The following SYBU variants were observed in gnomAD, a reference collection of about 807,000 sequenced individuals.
SYBU encodes the protein GOLSYN A protein.
A neutral mutation model predicts 35.9 loss-of-function variants in SYBU; 21 were observed. The observed-to-expected ratio is 0.58, with a 90% CI of 0.41 to 0.84. The LOEUF is 0.84. Ranked by LOEUF, SYBU falls within the 40% of genes least tolerant of loss-of-function variation. The pLI is 0.00. For synonymous variants in SYBU, 319 were observed against 324.3 expected (o/e 0.98, Z 0.18); for missense variants, 768 against 848.2 (o/e 0.91, Z 1.17).
intron 1 of SYBU, among the ~76,000 whole-genome samples, chr8:109,676,533 C>A (rs984829675): frequency 3.9e-5 from 6 of 152,138 alleles, no homozygotes; most frequent in Non-Finnish European, 8.8e-5. Flanking sequence ...TAGTTGGTTA[C>A]CATTATTAGA....
At chr8:109,651,621 C>T (rs1466784442) in intron 1 of SYBU, among the ~76,000 whole-genome samples, 1 of 152,002 alleles carries the variant, frequency 6.6e-6, no homozygotes, top group Admixed American at 6.6e-5. Flanking sequence ...CTCATTTTCA[C>T]ATCTAGAAAA....
intron 3 of SYBU, among the ~76,000 whole-genome samples, chr8:109,613,426 C>G (rs1186933720): frequency 6.6e-6 from 1 of 152,166 alleles, no homozygotes; most frequent in Admixed American, 6.5e-5. Flanking sequence ...AACACAGAGT[C>G]TCAAGAAGAC....
chr8:109,679,840 C>T (rs1817337355), intron 1 of SYBU, among the ~76,000 whole-genome samples: 1 of 152,120 alleles, frequency 6.6e-6, no homozygotes, highest in South Asian at 2.1e-4. Flanking sequence ...TAACTGGTAC[C>T]CACTTAATGC....
rs1050332305 is a variant in SYBU, at chr8:109,575,587, G to T, written c.1311C>A (p.Asn437Lys). 2.5e-6 allele frequency: 4 copies of T among 1,613,992 alleles called. No homozygotes were observed. In the African/African-American group the frequency reaches 4.0e-5, roughly 16 times the overall value. Residue 437 changes from asparagine (N) to lysine (K), a missense_variant, in exon 7 of 7, where the codon AAC becomes AAA. Transcript: ENST00000276646. ...RELLVGDSIA[N>K]STDLFDEIVT... ...CTATCTCATCGAACAAATCTGTGCT[G>T]TTGGCTATGCTATCTCCTACCAGTA...
chr8:109,578,717 A>G (rs1822651875), intron 5 of SYBU, among the ~76,000 whole-genome samples: 3 of 152,234 alleles, frequency 2.0e-5, no homozygotes, highest in African/African-American at 7.2e-5. Context: ...AACATGCAGC[A>G]CAGTGGGTGA....
chr8:109,690,800 G>T (rs978697660), intron 1 of SYBU, among the ~76,000 whole-genome samples: 1 of 152,096 alleles, frequency 6.6e-6, no homozygotes, highest in Non-Finnish European at 1.5e-5. Context: ...ATGGAAAATG[G>T]CTCATCCTTT....
At chr8:109,679,137 T>TA (rs1166912300) in intron 1 of SYBU, among the ~76,000 whole-genome samples, 4 of 152,228 alleles carry the variant, frequency 2.6e-5, no homozygotes, top group African/African-American at 9.6e-5. Context: ...ATTAGCATGT[T>TA]AAAAGACACT....
Position 109,639,605 on chromosome 8 carries a change from C to T in SYBU, c.229+3123G>A, listed in dbSNP as rs190361010. ...ATACAGGAGGATTACTGGAAGGTTG[C>T]GAAGCTATGATGACAATAGATCCCT... On this transcript the variant is annotated intron_variant, in intron 2 of 6. Coordinates refer to ENST00000276646, the MANE Select transcript of SYBU (RefSeq NM_001099754.2). Among the ~76,000 whole-genome samples, 11 of 152,230 alleles carry T rather than the reference C, an allele frequency of 7.2e-5. No homozygotes were observed. In the East Asian group the frequency reaches 1.9e-3, roughly 27 times the overall value.
chr8:109,670,984 T>TA (rs1816959227), intron 1 of SYBU, among the ~76,000 whole-genome samples: 1 of 152,164 alleles, frequency 6.6e-6, no homozygotes, highest in Non-Finnish European at 1.5e-5. Flanking sequence ...GCTAAACAGA[T>TA]AAAAAATTGG....
chr8:109,656,188 A>C (rs1057346723), intron 1 of SYBU, among the ~76,000 whole-genome samples: 1 of 152,332 alleles, frequency 6.6e-6, no homozygotes, highest in Non-Finnish European at 1.5e-5. Flanking sequence ...TTGGCAAGAG[A>C]GTATTAGAAA....
intron 3 of SYBU, 104 bp downstream of exon 3, chr8:109,618,738 C>A: frequency 9.7e-7 from 1 of 1,029,320 alleles, no homozygotes; most frequent in South Asian, 1.4e-5. Flanking sequence ...ATGCTGGGTA[C>A]GGTATTTGTG....
At chr8:109,667,113 GTTA>G (rs1232683910) in intron 1 of SYBU, among the ~76,000 whole-genome samples, 2 of 152,028 alleles carry the variant, frequency 1.3e-5, no homozygotes, top group African/African-American at 4.8e-5. Flanking sequence ...TATTACTATT[GTTA>G]TTATTATTTC....
chr8:109,619,069 T>C, intron 2 of SYBU, 30 bp from the exon 3 acceptor site: 1 of 1,571,486 alleles, frequency 6.4e-7, no homozygotes, highest in Non-Finnish European at 8.7e-7. Flanking sequence ...AAGTGTTTAA[T>C]GATGAGGAGG....
intron 1 of SYBU, among the ~76,000 whole-genome samples, chr8:109,666,461 T>C (rs7822861): frequency 0.1 from 15,718 of 151,968 alleles, 2,271 homozygotes; most frequent in African/African-American, 0.32. Flanking sequence ...TCATCCTCAA[T>C]TAAGAACCAC....
At chr8:109,616,002 C>CTTTTTTTTTTT (rs1811725305) in intron 3 of SYBU, among the ~76,000 whole-genome samples, 1 of 99,276 alleles carries the variant, frequency 1.0e-5, no homozygotes, top group Non-Finnish European at 1.9e-5. Flanking sequence ...CTTTTCTTTT[C>CTTTTTTTTTTT]TTTCTTTTTT....
chr8:109,605,622 G>C (rs2130136018), intron 3 of SYBU, among the ~76,000 whole-genome samples: 1 of 152,290 alleles, frequency 6.6e-6, no homozygotes, highest in South Asian at 2.1e-4. Context: ...AATATAATCT[G>C]GGTCAACTCT....
rs758863476 is a variant in SYBU, at chr8:109,577,878, G to A, written c.874C>T (p.Leu292Phe). 1.2e-6 allele frequency: 2 copies of A among 1,613,000 alleles called. No individual in the cohort carries two copies. The highest frequency in any genetic ancestry group is 1.1e-5 in the South Asian group (1 of 90,776). Residue 292 changes from leucine to phenylalanine, a missense_variant, in exon 6 of 7, where the codon CTC becomes TTC. Coordinates refer to ENST00000276646, the MANE Select transcript of SYBU (RefSeq NM_001099754.2). ...KTKLKESERR[L>F]HERESEIVEL... ...GGAAGGCAGATTCACCTTTCATGGA[G>A]TCGGCGCTCAGATTCCTTCAGCTTG...
chr8:109,583,975 AT>A (rs375357215), intron 4 of SYBU, among the ~76,000 whole-genome samples: 2,445 of 144,270 alleles, frequency 0.017, 54 homozygotes, highest in African/African-American at 0.051. Flanking sequence ...TGCCCGGCTA[AT>A]TTTTTTTTTT....
chr8:109,580,797 C>T (rs1822940976), intron 4 of SYBU: 1 of 152,642 alleles, frequency 6.6e-6, no homozygotes, highest in Non-Finnish European at 1.5e-5. Flanking sequence ...AGGTCCAATC[C>T]CACTACTCCA....
Sources: allele counts gnomAD v4.1 joint callset (sites outside exome capture counted in the v4.1 genomes callset), GRCh38; gene constraint gnomAD v4.1.1; transcripts MANE v1.5; gene names NCBI Gene and HGNC (gene_info 2026-07-23, HGNC 2026-07-21).